Variants in PTK2 observed in about 807,000 individuals in gnomAD.
PTK2 encodes the protein protein tyrosine kinase 2.
In PTK2, 45 loss-of-function variants were observed where a neutral mutation model predicts 150.1. That is an observed-to-expected ratio of 0.30 (90% confidence interval 0.24 to 0.38). PTK2 has a LOEUF of 0.38. Ranked by LOEUF, PTK2 falls within the 10% of genes least tolerant of loss-of-function variation. PTK2 has a pLI of 1.00. For synonymous variants in PTK2, 432 were observed against 449.2 expected (o/e 0.96, Z 0.48); for missense variants, 919 against 1,307.3 (o/e 0.70, Z 4.58).
chr8:140,687,706 T>G (rs1187576368), intron 26 of PTK2, among the ~76,000 whole-genome samples: 1 of 152,192 alleles, frequency 6.6e-6, no homozygotes, highest in African/African-American at 2.4e-5. Flanking sequence ...CAGTTCCTAC[T>G]AGGCTTTTTG....
rs576947256 is a variant in PTK2 at position 140,956,380 on chromosome 8, C to T, written c.-121-30631G>A. Among the ~76,000 whole-genome samples, 4 of 152,318 alleles carry T rather than the reference C, an allele frequency of 2.6e-5. No individual in the cohort carries two copies. The East Asian group carries it at 5.8e-4, about 22-fold the overall frequency. ...CTTGGGGGAAATAATACATTACTCACGCGTTTTAGTGAAGCTGGGGAAAAC... is the reference window on the plus strand; with the variant it reads ...CTTGGGGGAAATAATACATTACTCATGCGTTTTAGTGAAGCTGGGGAAAAC... On this transcript the variant is annotated intron_variant, in intron 1 of 31. Coordinates refer to ENST00000522684, the Ensembl canonical transcript of PTK2.
chr8:140,944,372 TTCTC>T (rs1389649167), intron 1 of PTK2, among the ~76,000 whole-genome samples: 8 of 152,180 alleles, frequency 5.3e-5, no homozygotes, highest in Non-Finnish European at 1.5e-5. Flanking sequence ...GGCACTATTC[TTCTC>T]TCTGTTAAAT....
intron 11 of PTK2, among the ~76,000 whole-genome samples, chr8:140,802,084 A>T (rs923710140): frequency 2.1e-5 from 2 of 93,414 alleles, no homozygotes; most frequent in Non-Finnish European, 2.1e-5. Context: ...CTACTTATTT[A>T]AAAAAAAAAA....
At chr8:140,914,829 A>G (rs2100164555) in intron 2 of PTK2, among the ~76,000 whole-genome samples, 1 of 152,028 alleles carries the variant, frequency 6.6e-6, no homozygotes, top group African/African-American at 2.4e-5. Flanking sequence ...TGAGGTTGGA[A>G]GTTTGAGACC....
chr8:140,682,208 C>G (rs1344141105), intron 27 of PTK2, among the ~76,000 whole-genome samples: 1 of 152,038 alleles, frequency 6.6e-6, no homozygotes, highest in Non-Finnish European at 1.5e-5. Context: ...ATTGTGAAAC[C>G]CTGTCTTTAC....
At chr8:140,879,277 T>A (rs988351773) in intron 4 of PTK2, 194 bp downstream of exon 4, 3 of 509,742 alleles carry the variant, frequency 5.9e-6, no homozygotes, top group East Asian at 7.1e-5. Flanking sequence ...AAAGTATAAT[T>A]AATAATACCC....
At chr8:140,888,511 A>G (rs977928614) in intron 3 of PTK2, among the ~76,000 whole-genome samples, 1 of 152,238 alleles carries the variant, frequency 6.6e-6, no homozygotes, top group African/African-American at 2.4e-5. Flanking sequence ...GTGGCCACAT[A>G]GATTTGATCA....
intron 10 of PTK2, among the ~76,000 whole-genome samples, chr8:140,817,774 C>T (rs922602661): frequency 6.6e-6 from 1 of 152,186 alleles, no homozygotes; most frequent in Non-Finnish European, 1.5e-5. Flanking sequence ...GTCAGCACTT[C>T]TGCTAGGAAG....
chr8:140,752,016 C>G, intron 17 of PTK2: 1 of 694,636 alleles, frequency 1.4e-6, no homozygotes, highest in Non-Finnish European at 2.7e-6. Flanking sequence ...AGTAAATGCA[C>G]ATCAATCTAC....
intron 7 of PTK2, among the ~76,000 whole-genome samples, chr8:140,844,975 C>T (rs1048846418): frequency 1.3e-5 from 2 of 152,106 alleles, no homozygotes; most frequent in Non-Finnish European, 2.9e-5. Flanking sequence ...CAAGAGACTC[C>T]TTGGGTTCCT....
intron 12 of PTK2, among the ~76,000 whole-genome samples, chr8:140,798,818 T>A (rs1328175290): frequency 6.6e-6 from 1 of 152,192 alleles, no homozygotes; most frequent in African/African-American, 2.4e-5. Context: ...TTGTAAGGCA[T>A]ATACTCCTGT....
intron 7 of PTK2, among the ~76,000 whole-genome samples, chr8:140,832,391 A>G (rs2154603056): frequency 6.6e-6 from 1 of 152,290 alleles, no homozygotes; most frequent in African/African-American, 2.4e-5. Flanking sequence ...GCTCTGCCAT[A>G]GGACAGACTT....
chr8:140,905,827 C>A (rs1484101413), intron 2 of PTK2, among the ~76,000 whole-genome samples: 3 of 152,114 alleles, frequency 2.0e-5, no homozygotes, highest in African/African-American at 7.2e-5. Context: ...TCTCTCAGAC[C>A]ACAGTGCAAT....
chr8:140,660,022 A>T (rs2077173239), intron 31 of PTK2, among the ~76,000 whole-genome samples: 1 of 152,100 alleles, frequency 6.6e-6, no homozygotes, highest in South Asian at 2.1e-4. Flanking sequence ...TCATGCATTT[A>T]AACATTTTTT....
intron 10 of PTK2, among the ~76,000 whole-genome samples, chr8:140,809,887 G>GT (rs2100100424): frequency 6.6e-6 from 1 of 152,224 alleles, no homozygotes; most frequent in African/African-American, 2.4e-5. Context: ...ACGTAGATCA[G>GT]TTCTACCTAG....
chr8:140,820,076 G>GTGTT, intron 8 of PTK2, among the ~76,000 whole-genome samples: 1 of 50,194 alleles, frequency 2.0e-5, no homozygotes, highest in South Asian at 7.6e-4. Flanking sequence ...TCTGACTTTG[G>GTGTT]TTTTTTTTTT....
intron 13 of PTK2, among the ~76,000 whole-genome samples, chr8:140,791,597 T>C (rs1229883185): frequency 6.6e-6 from 1 of 152,272 alleles, no homozygotes; most frequent in East Asian, 1.9e-4. Context: ...TAAAAGCCCA[T>C]GTTTAGGACT....
intron 17 of PTK2, among the ~76,000 whole-genome samples, chr8:140,751,602 C>T (rs948838276): frequency 2.0e-5 from 3 of 152,156 alleles, no homozygotes; most frequent in Admixed American, 1.3e-4. Context: ...AGCTATTCTC[C>T]TGCCTCAGTC....
At chr8:140,950,302 T>G (rs1196174404) in intron 1 of PTK2, among the ~76,000 whole-genome samples, 2 of 152,190 alleles carry the variant, frequency 1.3e-5, no homozygotes, top group African/African-American at 2.4e-5. Context: ...TATGACACCC[T>G]CTTTGGGGCT....
Sources: gnomAD v4.1 joint callset for allele counts (sites outside exome capture counted in the v4.1 genomes callset) on GRCh38, gnomAD v4.1.1 for gene constraint, MANE v1.5 for transcripts, NCBI Gene and HGNC (gene_info 2026-07-23, HGNC 2026-07-21) for gene names.